Variants in OPCML observed in about 807,000 individuals in gnomAD.
The protein encoded by OPCML is opioid-binding protein/cell adhesion molecule.
OPCML carries 13 observed loss-of-function variants against 37.8 expected under a neutral mutation model. The ratio of observed to expected loss-of-function variants is 0.34; its 90% CI spans 0.22 to 0.55. The LOEUF is 0.55. OPCML is among the 20% of genes least tolerant of loss of function. OPCML has a pLI of 0.91. For synonymous variants in OPCML, 176 were observed against 168.8 expected, an observed-to-expected ratio of 1.04 and a Z score of -0.33; for missense variants, 341 against 435.6, an observed-to-expected ratio of 0.78 and a Z score of 1.93.
At chr11:132,442,468 G>A (rs1323107077) in intron 4 of OPCML, among the ~76,000 whole-genome samples, 1 of 152,136 alleles carries the variant, frequency 6.6e-6, no homozygotes, top group Non-Finnish European at 1.5e-5. Context: ...GAGTTATAAA[G>A]TTAAAAGAAC....
chr11:132,952,550 A>C (rs1506879), intron 1 of OPCML, among the ~76,000 whole-genome samples: 119,854 of 152,104 alleles, frequency 0.79, 47,666 homozygotes, highest in Admixed American at 0.85. Context: ...AGAATTCAGG[A>C]CCCTTAAATC....
At chr11:133,344,253 C>G (rs1230430155) in intron 1 of OPCML, among the ~76,000 whole-genome samples, 1 of 152,234 alleles carries the variant, frequency 6.6e-6, no homozygotes, top group East Asian at 1.9e-4. Context: ...CCAGCTGAGT[C>G]ACTGTTGAAT....
chr11:133,367,098 C>T (rs945905608), intron 1 of OPCML, among the ~76,000 whole-genome samples: 4 of 152,164 alleles, frequency 2.6e-5, no homozygotes, highest in Non-Finnish European at 5.9e-5. Context: ...CCTGCCTAAG[C>T]TTCCCAAGTA....
chr11:132,469,353 C>T (rs2096128494), intron 4 of OPCML, among the ~76,000 whole-genome samples: 2 of 152,084 alleles, frequency 1.3e-5, no homozygotes, highest in African/African-American at 4.8e-5. Flanking sequence ...GGGCAGGGCT[C>T]ACACATGTGT....
At chr11:133,219,806 G>C (rs1321676202) in intron 1 of OPCML, among the ~76,000 whole-genome samples, 3 of 152,102 alleles carry the variant, frequency 2.0e-5, no homozygotes, top group South Asian at 4.1e-4. Flanking sequence ...TTTGGGGAGG[G>C]GGGTGCTACA....
Position 132,713,411 on chromosome 11 carries a change from ACT to A in OPCML, c.147-56094_147-56093del, listed in dbSNP as rs565399118. 5.3e-4 allele frequency among the ~76,000 whole-genome samples: 80 copies of A among 152,192 alleles called. No homozygotes were observed. The South Asian group carries it at 0.016, about 30-fold the overall frequency. On this transcript the variant is annotated intron_variant, in intron 2 of 7. Transcript: ENST00000524381. ...TATCTTAACCAGTATACAGTAAGAA[ACT>A]CTATAAATTTTACAAAAATGAACAT...
intron 2 of OPCML, among the ~76,000 whole-genome samples, chr11:132,751,235 G>T (rs1020810646): frequency 2.6e-5 from 4 of 152,062 alleles, no homozygotes; most frequent in Non-Finnish European, 5.9e-5. Context: ...GCCTCTGGCT[G>T]TATTTTTGGT....
intron 1 of OPCML, among the ~76,000 whole-genome samples, chr11:133,063,360 A>T (rs1948383533): frequency 6.6e-6 from 1 of 152,156 alleles, no homozygotes; most frequent in Non-Finnish European, 1.5e-5. Flanking sequence ...GGGGTCAGAA[A>T]GGAGGAAAGC....
intron 1 of OPCML, among the ~76,000 whole-genome samples, chr11:132,974,237 A>G (rs772787040): frequency 7.9e-5 from 12 of 152,186 alleles, no homozygotes; most frequent in Non-Finnish European, 1.5e-4. Context: ...TTGGTCCTTC[A>G]TCTTCCAGCT....
intron 1 of OPCML, among the ~76,000 whole-genome samples, chr11:133,013,910 G>A (rs1947267494): frequency 1.3e-5 from 2 of 152,296 alleles, no homozygotes; most frequent in African/African-American, 4.8e-5. Flanking sequence ...CAATTAAGAG[G>A]AAGCAGATGC....
intron 2 of OPCML, among the ~76,000 whole-genome samples, chr11:132,724,688 C>T (rs1944810722): frequency 6.6e-6 from 1 of 152,218 alleles, no homozygotes; most frequent in African/African-American, 2.4e-5. Context: ...CAAGTTCCTT[C>T]TGCCTACAAG....
intron 2 of OPCML, among the ~76,000 whole-genome samples, chr11:132,717,212 T>A (rs566385643): frequency 2.6e-5 from 4 of 152,334 alleles, no homozygotes; most frequent in South Asian, 4.1e-4. Context: ...ACAGTCTTAC[T>A]TTTTAGAATC....
At chr11:133,013,506 C>A (rs78736603) in intron 1 of OPCML, among the ~76,000 whole-genome samples, 1 of 152,180 alleles carries the variant, frequency 6.6e-6, no homozygotes, top group Non-Finnish European at 1.5e-5. Context: ...AATTACTCAT[C>A]ATAAGCATAA....
chr11:133,009,273 G>A (rs1428964789), intron 1 of OPCML: 4 of 973,686 alleles, frequency 4.1e-6, no homozygotes, highest in Admixed American at 6.2e-5. Context: ...TTGTTAAAAT[G>A]CAATGGTACA....
chr11:132,998,491 A>C (rs980666624), intron 1 of OPCML, among the ~76,000 whole-genome samples: 3 of 152,130 alleles, frequency 2.0e-5, no homozygotes, highest in Non-Finnish European at 4.4e-5. Context: ...TAACTTCTTT[A>C]GGGCCTCCCA....
rs139861983 is a variant in OPCML, at chr11:132,800,838, T to C, written c.146+142088A>G. On this transcript the variant is annotated intron_variant, in intron 2 of 7. Transcript: ENST00000524381. ...TTAAAAGTTTCTGATCTAATACCCA[T>C]AAAATATTTTCCTGTAGTTTTTTAC... Among the ~76,000 whole-genome samples, 708 of 152,264 alleles carry C rather than the reference T, an allele frequency of 4.6e-3. 4 individuals carry two copies. The highest frequency in any genetic ancestry group is 0.015 in the African/African-American group (610 of 41,574).
At chr11:133,152,690 A>C (rs1271628032) in intron 1 of OPCML, among the ~76,000 whole-genome samples, 1 of 151,992 alleles carries the variant, frequency 6.6e-6, no homozygotes, top group Non-Finnish European at 1.5e-5. Context: ...ATTTCTCTCT[A>C]ATTGATGCGT....
intron 2 of OPCML, among the ~76,000 whole-genome samples, chr11:132,752,196 G>A (rs1227964251): frequency 6.6e-6 from 1 of 151,822 alleles, no homozygotes; most frequent in African/African-American, 2.4e-5. Context: ...TAGATTGGTT[G>A]TGCTAATTAA....
chr11:133,219,204 A>G (rs1302420705), intron 1 of OPCML, among the ~76,000 whole-genome samples: 5 of 152,194 alleles, frequency 3.3e-5, no homozygotes, highest in South Asian at 2.1e-4. Flanking sequence ...TTGCAGTGCC[A>G]TAAGTTAGCC....
Sources: gnomAD v4.1 joint callset for allele counts (sites outside exome capture counted in the v4.1 genomes callset) on GRCh38, gnomAD v4.1.1 for gene constraint, MANE v1.5 for transcripts, NCBI Gene and HGNC (gene_info 2026-07-23, HGNC 2026-07-21) for gene names.